Variants in MN1 observed in about 807,000 individuals in gnomAD.
MN1 encodes the protein transcriptional activator MN1.
In MN1, 19 loss-of-function variants were observed where a neutral mutation model predicts 86.9. That is an observed-to-expected ratio of 0.22 (90% CI 0.15 to 0.32). The LOEUF is 0.32. Among genes scored for constraint, MN1 ranks in the 10% least tolerant of loss-of-function variants. The probability of loss-of-function intolerance (pLI) is 1.00; values close to 1 mark genes in which losing one functional copy is unlikely to be tolerated. For synonymous variants in MN1, 928 were observed against 849.6 expected (o/e 1.09, Z -1.60); for missense variants, 1,841 against 1,862.0 (o/e 0.99, Z 0.21).
At chr22:27,767,358 G>A (rs7292322) in intron 1 of MN1, among the ~76,000 whole-genome samples, 25,326 of 152,030 alleles carry the variant, frequency 0.17, 2,539 homozygotes, top group East Asian at 0.25. Flanking sequence ...GAGGGGCGAC[G>A]CCCTCTCACA....
At chr22:27,773,288 G>A (rs1932936178) in intron 1 of MN1, among the ~76,000 whole-genome samples, 1 of 152,218 alleles carries the variant, frequency 6.6e-6, no homozygotes, top group Non-Finnish European at 1.5e-5. Flanking sequence ...CTGTTTTCGG[G>A]TGGCTCCAAT....
intron 1 of MN1, among the ~76,000 whole-genome samples, chr22:27,769,863 AT>A (rs3216408): frequency 0.32 from 47,705 of 151,146 alleles, 7,947 homozygotes; most frequent in South Asian, 0.45. Context: ...AAGGATGCCA[AT>A]TTTTTTTTAA....
At chr22:27,753,843 C>T (rs73880313) in intron 1 of MN1, among the ~76,000 whole-genome samples, 1,926 of 152,192 alleles carry the variant, frequency 0.013, 49 homozygotes, top group African/African-American at 0.044. Flanking sequence ...GCCTTGTTCC[C>T]AGCGACCCCT....
At chr22:27,770,105 C>T (rs569410075) in intron 1 of MN1, among the ~76,000 whole-genome samples, 2 of 152,302 alleles carry the variant, frequency 1.3e-5, no homozygotes, top group African/African-American at 4.8e-5. Context: ...TTTCACAGTC[C>T]TCATCCTAAC....
chr22:27,787,437 T>C (rs916458268), intron 1 of MN1, among the ~76,000 whole-genome samples: 8 of 152,246 alleles, frequency 5.3e-5, no homozygotes, highest in Non-Finnish European at 1.0e-4. Flanking sequence ...AAGAAGAGAC[T>C]CTTAATTTCT....
intron 1 of MN1, among the ~76,000 whole-genome samples, chr22:27,785,786 C>A (rs1281742386): frequency 6.8e-6 from 1 of 147,364 alleles, no homozygotes; most frequent in African/African-American, 2.5e-5. Context: ...CCACGGCCAT[C>A]CAGACAAGCC....
Position 27,749,044 on chromosome 22 carries a change from C to T in MN1, c.*1871G>A, listed in dbSNP as rs1932731958. Reference sequence around the variant, plus strand: ...ACGCAGGAACTGCCTCGGCTCACACCTTTCTCGCTGATCAATTCATGCCAC... The same window carrying T: ...ACGCAGGAACTGCCTCGGCTCACACTTTTCTCGCTGATCAATTCATGCCAC... On this transcript the variant is annotated 3_prime_UTR_variant, in exon 2 of 2. Coordinates refer to ENST00000302326, the MANE Select transcript of MN1 (RefSeq NM_002430.3). 8.6e-6 allele frequency: 2 copies of T among 231,750 alleles called. No homozygotes were observed. The highest frequency in any genetic ancestry group is 1.7e-5 in the Non-Finnish European group (2 of 117,154). The allele number at this position is 231,750 out of a possible 1,614,324, so 14.4% of individuals were successfully genotyped here.
Position 27,800,953 on chromosome 22 carries a change from G to A in MN1, c.-410C>T. On this transcript the variant is annotated 5_prime_UTR_variant, in exon 1 of 2. Coordinates refer to ENST00000302326, the MANE Select transcript of MN1 (RefSeq NM_002430.3). The stretch of plus-strand genomic sequence containing the variant: ...AGCGATCACCTTCTCAAGTCCGATT[G>A]GGTCTGCTGGGGAGCCCTCAGGACG... 2.8e-6 allele frequency: 1 copy of A among 356,232 alleles called. No homozygotes were observed. Among genetic ancestry groups the A allele is most frequent in the Non-Finnish European group, 5.2e-6 (1 of 193,182 alleles). The allele number at this position is 356,232 out of a possible 1,614,324, so 22.1% of individuals were successfully genotyped here.
chr22:27,789,050 T>C (rs1285693354), intron 1 of MN1, among the ~76,000 whole-genome samples: 2 of 152,178 alleles, frequency 1.3e-5, no homozygotes, highest in South Asian at 4.1e-4. Flanking sequence ...TTAGTTCTCA[T>C]GAGTCAGGCT....
In MN1 at chr22:27,798,193, G is replaced by T; in HGVS notation, c.2351C>A (p.Ala784Asp). The change falls in exon 1 of 2, where the codon GCC becomes GAC. Residue 784 changes from alanine to aspartate, a missense_variant. By Grantham distance (126) the Ala-to-Asp change is moderately radical. Coordinates refer to ENST00000302326, the MANE Select transcript of MN1 (RefSeq NM_002430.3). ...CTGGAAATCAGGCTGCGGCGGGTAGGCACCCCCGCCACCGCCGCCACCAGA... is the reference window on the plus strand; with the variant it reads ...CTGGAAATCAGGCTGCGGCGGGTAGTCACCCCCGCCACCGCCGCCACCAGA... Reference protein sequence around the residue: ...GSSGGGGGGGAYPPQPDFQPS... With the variant: ...GSSGGGGGGGDYPPQPDFQPS... The T allele has an allele frequency of 6.5e-7, 1 of 1,543,476 alleles. No homozygotes were observed. Among genetic ancestry groups the T allele is most frequent in the Non-Finnish European group, 8.7e-7 (1 of 1,152,984 alleles).
In MN1 at chr22:27,786,400, G is replaced by T. The variant is rs1035501732; in HGVS notation, c.3781+10363C>A. ...ATGCATACTTTTTCTTCCTTCTTTG[G>T]AAGTCAAACGATGCATTTCTTAAAA... On this transcript the variant is annotated intron_variant, in intron 1 of 1. Coordinates refer to ENST00000302326, the MANE Select transcript of MN1 (RefSeq NM_002430.3). Among the ~76,000 whole-genome samples, 11 of 151,724 alleles carry T rather than the reference G, an allele frequency of 7.3e-5. 1 individual carries two copies. Among genetic ancestry groups the T allele is most frequent in the Admixed American group, 2.6e-4 (4 of 15,210 alleles).
intron 1 of MN1, among the ~76,000 whole-genome samples, chr22:27,765,513 C>T (rs543391818): frequency 5.9e-5 from 9 of 152,342 alleles, no homozygotes; most frequent in South Asian, 4.1e-4. Context: ...GAGACTCGAG[C>T]GGGGGCTCCC....
chr22:27,750,119 A>T lies in MN1; in HGVS notation c.*796T>A, dbSNP rs1932750615. 4.3e-6 allele frequency: 1 copy of T among 231,802 alleles called. No individual in the cohort carries two copies. The highest frequency in any genetic ancestry group is 5.6e-5 in the Admixed American group (1 of 17,720). The allele number at this position is 231,802 out of a possible 1,614,324, so 14.4% of individuals were successfully genotyped here. On this transcript the variant is annotated 3_prime_UTR_variant, in exon 2 of 2. Transcript: ENST00000302326. ...GAAAACACTGCTGTCGAACATTCCA[A>T]CTCCTTCCCACAGAGCAGAGCTGGA...
intron 1 of MN1, among the ~76,000 whole-genome samples, chr22:27,773,781 C>T (rs575492934): frequency 2.6e-5 from 4 of 152,110 alleles, no homozygotes; most frequent in South Asian, 2.1e-4. Context: ...CTCAGCCTCC[C>T]GAATACTGAG....
At chr22:27,751,635 A>AG (rs766592112) in intron 1 of MN1, among the ~76,000 whole-genome samples, 4 of 152,154 alleles carry the variant, frequency 2.6e-5, no homozygotes, top group Non-Finnish European at 5.9e-5. Context: ...TACCAACTCC[A>AG]GGGGGGAAGG....
intron 1 of MN1, among the ~76,000 whole-genome samples, chr22:27,780,351 G>A (rs182474861): frequency 6.6e-6 from 1 of 152,140 alleles, no homozygotes; most frequent in Non-Finnish European, 1.5e-5. Context: ...CCCACTCCCC[G>A]TCCTGCCTTA....
intron 1 of MN1, among the ~76,000 whole-genome samples, chr22:27,789,947 C>T (rs560857815): frequency 4.6e-5 from 7 of 152,310 alleles, no homozygotes; most frequent in Non-Finnish European, 8.8e-5. Flanking sequence ...ACCTAGGGTG[C>T]CAGTCCAATA....
chr22:27,779,989 C>T (rs1933029569), intron 1 of MN1, among the ~76,000 whole-genome samples: 1 of 152,160 alleles, frequency 6.6e-6, no homozygotes, highest in African/African-American at 2.4e-5. Flanking sequence ...ACCTTAGGAC[C>T]CCAGCACCCT....
chr22:27,796,567 G>A (rs774192237), intron 1 of MN1, among the ~76,000 whole-genome samples, 196 bp downstream of exon 1: 1 of 151,040 alleles, frequency 6.6e-6, no homozygotes, highest in Non-Finnish European at 1.5e-5. Context: ...TGGGGGGCTT[G>A]GGGGCAGTGT....
Sources: allele counts gnomAD v4.1 joint callset (sites outside exome capture counted in the v4.1 genomes callset), GRCh38; gene constraint gnomAD v4.1.1; transcripts MANE v1.5; gene names NCBI Gene and HGNC (gene_info 2026-07-23, HGNC 2026-07-21).